The following RBFOX1 variants were observed in gnomAD, a reference collection of about 807,000 sequenced individuals.
RBFOX1 encodes the protein RNA binding protein fox-1 homolog 1.
In RBFOX1, 8 loss-of-function variants were observed where a neutral mutation model predicts 57.7. The observed-to-expected ratio is 0.14, with a 90% CI of 0.08 to 0.25. The LOEUF is 0.25. Ranked by LOEUF, RBFOX1 falls within the 10% of genes least tolerant of loss-of-function variation. RBFOX1 has a pLI of 1.00. For synonymous variants in RBFOX1, 326 were observed against 222.4 expected, an observed-to-expected ratio of 1.47 and a Z score of -4.15; for missense variants, 611 against 548.5, an observed-to-expected ratio of 1.11 and a Z score of -1.14.
rs761281890 is a variant in RBFOX1, at chr16:6,256,223, ATATATATATGTGTATATATATATG to A, written c.-126-60738_-126-60715del. On this transcript the variant is annotated intron_variant, in intron 1 of 15. Transcript: ENST00000550418. ...TATATGTATATGTGTATATATATGT[ATATATATATGTGTATATATATATG>A]TATATATATGTGTATATATATATGT... Among the ~76,000 whole-genome samples, 948 of 107,742 alleles carry A rather than the reference ATATATATATGTGTATATATATATG, an allele frequency of 8.8e-3. 113 individuals are homozygous for A. The highest frequency in any genetic ancestry group is 0.021 in the African/African-American group (585 of 27,816). The allele number at this position is 107,742 out of a possible 152,430, so 70.7% of individuals were successfully genotyped here.
chr16:7,212,357 C>A (rs962838661), intron 4 of RBFOX1, among the ~76,000 whole-genome samples: 4 of 152,186 alleles, frequency 2.6e-5, no homozygotes, highest in African/African-American at 2.4e-5. Context: ...TTGCCTGTAG[C>A]CGCGTTGACC....
intron 4 of RBFOX1, among the ~76,000 whole-genome samples, chr16:7,321,211 C>G (rs1401189515): frequency 6.6e-6 from 1 of 151,986 alleles, no homozygotes; most frequent in African/African-American, 2.4e-5. Context: ...GTGGTGCGAT[C>G]TCATCTCACT....
intron 3 of RBFOX1, among the ~76,000 whole-genome samples, chr16:6,751,908 G>A (rs149316598): frequency 6.6e-6 from 1 of 152,110 alleles, no homozygotes; most frequent in East Asian, 1.9e-4. Flanking sequence ...GAATTTTCCA[G>A]GGGTGCCAGC....
intron 4 of RBFOX1, among the ~76,000 whole-genome samples, chr16:7,124,575 C>T (rs1433358141): frequency 7.3e-6 from 1 of 136,916 alleles, no homozygotes; most frequent in Non-Finnish European, 1.5e-5. Context: ...TCCTTCCTTC[C>T]TTCCTTCCTG....
At chr16:6,182,133 T>C (rs529223710) in intron 1 of RBFOX1, among the ~76,000 whole-genome samples, 1 of 152,308 alleles carries the variant, frequency 6.6e-6, no homozygotes, top group South Asian at 2.1e-4. Flanking sequence ...TTGCCACTCA[T>C]TCTTTGGAGA....
chr16:7,284,052 C>T (rs962481824), intron 4 of RBFOX1, among the ~76,000 whole-genome samples: 1 of 152,180 alleles, frequency 6.6e-6, no homozygotes, highest in Admixed American at 6.5e-5. Context: ...AGCCTTTAGG[C>T]CTGACTATCT....
intron 3 of RBFOX1, among the ~76,000 whole-genome samples, chr16:6,903,485 A>G (rs2068983464): frequency 6.6e-6 from 1 of 152,208 alleles, no homozygotes; most frequent in Non-Finnish European, 1.5e-5. Flanking sequence ...TCTAGTGTTC[A>G]GCAAGTGCTG....
intron 14 of RBFOX1, among the ~76,000 whole-genome samples, chr16:7,689,971 C>A (rs542885528): frequency 1.3e-5 from 2 of 152,044 alleles, no homozygotes; most frequent in Non-Finnish European, 1.5e-5. Context: ...GCCCTGGAGG[C>A]AAGCATGGTG....
intron 13 of RBFOX1, among the ~76,000 whole-genome samples, chr16:7,674,907 T>C (rs1210747105): frequency 6.6e-6 from 1 of 152,214 alleles, no homozygotes; most frequent in Non-Finnish European, 1.5e-5. Flanking sequence ...GGCTTGCAAA[T>C]AGGATGTTGC....
At chr16:7,693,515 C>G (rs957237347) in intron 14 of RBFOX1, 4 of 637,206 alleles carry the variant, frequency 6.3e-6, no homozygotes, top group Non-Finnish European at 1.1e-5. Context: ...TGGAGTACAG[C>G]TGAAGCCTTG....
chr16:5,659,229 T>C (rs1333963223), intron 3 of RBFOX1, among the ~76,000 whole-genome samples: 2 of 152,146 alleles, frequency 1.3e-5, no homozygotes, highest in East Asian at 1.9e-4. Flanking sequence ...TATTCTTTTA[T>C]GGTTTTGATT....
chr16:7,332,849 C>A (rs991691416), intron 4 of RBFOX1: 3 of 1,449,686 alleles, frequency 2.1e-6, no homozygotes, highest in Non-Finnish European at 2.7e-6. Context: ...GATTTTCTTT[C>A]TTTCCTCTCC....
At chr16:5,644,305 C>G (rs2048977724) in intron 3 of RBFOX1, among the ~76,000 whole-genome samples, 1 of 152,148 alleles carries the variant, frequency 6.6e-6, no homozygotes, top group African/African-American at 2.4e-5. Flanking sequence ...GAATTAGGGA[C>G]TTGAATGGTG....
intron 2 of RBFOX1, among the ~76,000 whole-genome samples, chr16:6,643,154 A>G (rs933540999): frequency 2.6e-5 from 4 of 152,214 alleles, no homozygotes. Flanking sequence ...GTCATTTGAG[A>G]CTTAAATTTT....
At chr16:7,002,115 G>C (rs1203911511) in intron 3 of RBFOX1, among the ~76,000 whole-genome samples, 3 of 151,616 alleles carry the variant, frequency 2.0e-5, no homozygotes, top group African/African-American at 7.3e-5. Flanking sequence ...TTTTTCTCAT[G>C]GGGTTGTTGA....
At chr16:5,792,751 G>A (rs1462916045) in intron 3 of RBFOX1, among the ~76,000 whole-genome samples, 1 of 152,178 alleles carries the variant, frequency 6.6e-6, no homozygotes, top group African/African-American at 2.4e-5. Context: ...GCTGAGGCAG[G>A]AGAATCACTT....
At chr16:6,799,520 T>C (rs981728647) in intron 3 of RBFOX1, among the ~76,000 whole-genome samples, 1 of 152,114 alleles carries the variant, frequency 6.6e-6, no homozygotes, top group African/African-American at 2.4e-5. Flanking sequence ...AGAGAGCTGG[T>C]GAACTATTGT....
At chr16:6,162,554 C>G (rs144854586) in intron 1 of RBFOX1, among the ~76,000 whole-genome samples, 1 of 152,156 alleles carries the variant, frequency 6.6e-6, no homozygotes, top group East Asian at 1.9e-4. Flanking sequence ...AGATGACTCT[C>G]AGTGAAATAC....
At chr16:6,605,911 C>T (rs370990172) in intron 2 of RBFOX1, among the ~76,000 whole-genome samples, 1 of 152,008 alleles carries the variant, frequency 6.6e-6, no homozygotes, top group South Asian at 2.1e-4. Context: ...ACCAGCCTGG[C>T]CAACATGGTG....
Sources: allele counts gnomAD v4.1 joint callset (sites outside exome capture counted in the v4.1 genomes callset), GRCh38; gene constraint gnomAD v4.1.1; transcripts MANE v1.5; gene names NCBI Gene and HGNC (gene_info 2026-07-23, HGNC 2026-07-21).